The following ARHGAP24 variants were observed in gnomAD, a reference collection of about 807,000 sequenced individuals.
The protein encoded by ARHGAP24 is Rho GTPase activating protein 24, also known as rho GTPase-activating protein 24.
A neutral mutation model predicts 76.4 loss-of-function variants in ARHGAP24; 50 were observed. The ratio of observed to expected loss-of-function variants is 0.65; its 90% CI spans 0.52 to 0.83. The LOEUF is 0.83. ARHGAP24 is among the 40% of genes least tolerant of loss of function. ARHGAP24 has a pLI of 0.00. For missense variants in ARHGAP24, 930 were observed against 914.2 expected (o/e 1.02, Z -0.22); for synonymous variants, 345 against 323.3 (o/e 1.07, Z -0.72).
chr4:85,641,474 A>G (rs918764400), intron 2 of ARHGAP24, among the ~76,000 whole-genome samples: 8 of 152,170 alleles, frequency 5.3e-5, no homozygotes, highest in African/African-American at 1.9e-4. Context: ...TGAGAGCTGC[A>G]AGGGAAAATC....
At chr4:85,997,989 T>C (rs554045669) in intron 9 of ARHGAP24, among the ~76,000 whole-genome samples, 24 of 152,288 alleles carry the variant, frequency 1.6e-4, no homozygotes, top group African/African-American at 5.5e-4. Context: ...AAATATTGTA[T>C]TGTGGTCAGA....
rs200709627 is a variant in ARHGAP24, at chr4:85,973,847, T to G, written c.733-1041T>G. ...TGCTGCCTATTGTTTTTTTTTTTTTTTTTTTTTTTTTTTGAGACAGAGTCT... is the reference window on the plus strand; with the variant it reads ...TGCTGCCTATTGTTTTTTTTTTTTTGTTTTTTTTTTTTTGAGACAGAGTCT... On this transcript the variant is annotated intron_variant, in intron 6 of 9. Coordinates refer to ENST00000395184, the MANE Select transcript of ARHGAP24 (RefSeq NM_001025616.3). 8.5e-5 allele frequency among the ~76,000 whole-genome samples: 8 copies of G among 94,438 alleles called. No individual in the cohort carries two copies. The South Asian group carries it at 1.9e-3, about 22-fold the overall frequency. The allele number at this position is 94,438 out of a possible 152,430, so 62.0% of individuals were successfully genotyped here. A position where few individuals can be genotyped will look rare whatever the true frequency, so the allele number is the denominator to read the frequency against.
chr4:85,808,954 A>G (rs377667208), intron 3 of ARHGAP24, among the ~76,000 whole-genome samples: 1 of 152,206 alleles, frequency 6.6e-6, no homozygotes, highest in Non-Finnish European at 1.5e-5. Flanking sequence ...TCTTCCTAGA[A>G]GTTATAAAAA....
chr4:85,649,463 A>C (rs1206433076), intron 2 of ARHGAP24, among the ~76,000 whole-genome samples: 1 of 152,084 alleles, frequency 6.6e-6, no homozygotes, highest in African/African-American at 2.4e-5. Context: ...AGGCATTCTT[A>C]CTTACTCCCC....
At chr4:85,759,469 A>G (rs1726652236) in intron 3 of ARHGAP24, among the ~76,000 whole-genome samples, 1 of 152,208 alleles carries the variant, frequency 6.6e-6, no homozygotes, top group South Asian at 2.1e-4. Context: ...AGGAGGACTG[A>G]TGGCTGTAAT....
chr4:85,707,242 C>A (rs1016771047), intron 2 of ARHGAP24, among the ~76,000 whole-genome samples: 1 of 152,142 alleles, frequency 6.6e-6, no homozygotes, highest in Non-Finnish European at 1.5e-5. Context: ...ATTCAGATTT[C>A]TTTGCTAATA....
intron 1 of ARHGAP24, among the ~76,000 whole-genome samples, chr4:85,519,124 G>A (rs1320121089): frequency 6.6e-6 from 1 of 152,126 alleles, no homozygotes; most frequent in East Asian, 1.9e-4. Flanking sequence ...ACTCCTGCAA[G>A]AATAGCCATA....
intron 2 of ARHGAP24, among the ~76,000 whole-genome samples, chr4:85,593,784 G>C (rs767641545): frequency 7.2e-5 from 11 of 151,994 alleles, no homozygotes; most frequent in Non-Finnish European, 1.6e-4. Context: ...TTTGTTTATG[G>C]GTTCTTTATT....
chr4:85,743,787 A>T (rs2601855), intron 3 of ARHGAP24, among the ~76,000 whole-genome samples: 83,552 of 146,702 alleles, frequency 0.57, 25,076 homozygotes, highest in Non-Finnish European at 0.7. Flanking sequence ...ACACGCCAAA[A>T]CTTAAGTAAA....
intron 2 of ARHGAP24, among the ~76,000 whole-genome samples, chr4:85,677,704 A>G (rs1723033472): frequency 6.6e-6 from 1 of 152,242 alleles, no homozygotes; most frequent in Non-Finnish European, 1.5e-5. Context: ...TCAGAGATAC[A>G]CTTAACATCA....
At chr4:85,882,495 T>C (rs1338356733) in intron 3 of ARHGAP24, among the ~76,000 whole-genome samples, 2 of 152,194 alleles carry the variant, frequency 1.3e-5, no homozygotes, top group Non-Finnish European at 2.9e-5. Context: ...TGCTATTAGC[T>C]TGTTCCAGGA....
chr4:85,557,143 C>G (rs1163055618), intron 1 of ARHGAP24, among the ~76,000 whole-genome samples: 4 of 152,216 alleles, frequency 2.6e-5, no homozygotes, highest in African/African-American at 4.8e-5. Context: ...GAGCTGCTCC[C>G]TGCCCAAGAA....
At chr4:85,912,672 C>G (rs1485302105) in intron 3 of ARHGAP24, among the ~76,000 whole-genome samples, 1 of 152,108 alleles carries the variant, frequency 6.6e-6, no homozygotes, top group Non-Finnish European at 1.5e-5. Flanking sequence ...CTAAGAGATA[C>G]TGTATGAAGA....
At chr4:85,828,054 A>G in intron 3 of ARHGAP24, 1 of 1,101,032 alleles carries the variant, frequency 9.1e-7, no homozygotes, top group Non-Finnish European at 1.2e-6. Context: ...TAATTTGGGG[A>G]TATTTATATC....
At chr4:85,754,217 A>G (rs190919371) in intron 3 of ARHGAP24, among the ~76,000 whole-genome samples, 3 of 152,278 alleles carry the variant, frequency 2.0e-5, no homozygotes, top group Admixed American at 1.3e-4. Context: ...GACTTAACAT[A>G]ATGACCTCCA....
chr4:85,852,111 C>T (rs1249903258), intron 3 of ARHGAP24, among the ~76,000 whole-genome samples: 1 of 152,226 alleles, frequency 6.6e-6, no homozygotes, highest in Non-Finnish European at 1.5e-5. Context: ...TTGATCTTCT[C>T]ACATAGTTCC....
At chr4:85,617,127 A>G (rs934077678) in intron 2 of ARHGAP24, among the ~76,000 whole-genome samples, 1 of 147,338 alleles carries the variant, frequency 6.8e-6, no homozygotes, top group Non-Finnish European at 1.5e-5. Flanking sequence ...ATATTTAAAT[A>G]TATGTACTTG....
intron 3 of ARHGAP24, among the ~76,000 whole-genome samples, chr4:85,795,811 T>C (rs1728318203): frequency 6.6e-6 from 1 of 152,198 alleles, no homozygotes; most frequent in Non-Finnish European, 1.5e-5. Context: ...CTTGTAGTAT[T>C]TCTTTGCTTA....
intron 4 of ARHGAP24, among the ~76,000 whole-genome samples, chr4:85,934,772 C>T (rs888955264): frequency 2.6e-5 from 4 of 152,208 alleles, no homozygotes; most frequent in Non-Finnish European, 5.9e-5. Context: ...ACCTCGGCCT[C>T]CCAAAGTGCT....
Sources: gnomAD v4.1 joint callset for allele counts (sites outside exome capture counted in the v4.1 genomes callset) on GRCh38, gnomAD v4.1.1 for gene constraint, MANE v1.5 for transcripts, NCBI Gene and HGNC (gene_info 2026-07-23, HGNC 2026-07-21) for gene names.